The following KSR2 variants were observed in gnomAD, a reference collection of about 807,000 sequenced individuals.
KSR2 encodes the protein kinase suppressor of ras 2.
Under a neutral mutation model 107.8 loss-of-function variants are expected in KSR2, and 25 were observed. The ratio of observed to expected loss-of-function variants is 0.23; its 90% CI spans 0.17 to 0.32. The LOEUF is 0.32. KSR2 is among the 10% of genes least tolerant of loss of function. The pLI, the probability that KSR2 is intolerant of heterozygous loss-of-function variation, is 1.00. For synonymous variants in KSR2, 480 were observed against 507.0 expected, an observed-to-expected ratio of 0.95 and a Z score of 0.71; for missense variants, 887 against 1,268.9, an observed-to-expected ratio of 0.70 and a Z score of 4.57.
Position 117,469,703 on chromosome 12 carries a change from G to T in KSR2, c.2805C>A (p.Asn935Lys). The change falls in exon 19 of 20, where the codon AAC (asparagine) becomes AAA (lysine). Residue 935 changes from asparagine (N) to lysine (K), a missense_variant. This residue lies in a region of KSR2 where 308 missense variants were observed against 506.2 expected (regional missense o/e 0.61). Coordinates refer to ENST00000339824, the MANE Select transcript of KSR2 (RefSeq NM_173598.6). ...AATGTCCAGGGTGAGACAGGCGACG[G>T]TTTCGCTTTGGCAGTTTCTCCAGCA... ...MDMLEKLPKR[N>K]RRLSHPGHFW... is the part of the protein sequence containing the mutation. The T allele has an allele frequency of 6.2e-7, 1 of 1,613,528 alleles. No individual in the cohort carries two copies. The highest frequency in any genetic ancestry group is 8.5e-7 in the Non-Finnish European group (1 of 1,179,734).
chr12:117,612,248 C>CA (rs1881645020), intron 5 of KSR2, among the ~76,000 whole-genome samples: 1 of 151,716 alleles, frequency 6.6e-6, no homozygotes, highest in South Asian at 2.1e-4. Flanking sequence ...TACTGAAATA[C>CA]AAAAAATTAG....
At chr12:117,606,712 C>A (rs1441985736) in intron 5 of KSR2, among the ~76,000 whole-genome samples, 2 of 145,750 alleles carry the variant, frequency 1.4e-5, no homozygotes. Context: ...TCCTCCCCTT[C>A]TTCCTCCCTT....
intron 5 of KSR2, among the ~76,000 whole-genome samples, chr12:117,623,413 T>A (rs1311951462): frequency 6.6e-6 from 1 of 152,182 alleles, no homozygotes; most frequent in Non-Finnish European, 1.5e-5. Context: ...CAGTGTGTGA[T>A]GTTCCCTCCC....
rs57373422 is a variant in KSR2 at position 117,606,095 on chromosome 12, T to A, written c.1172-23736A>T. The stretch of plus-strand genomic sequence containing the variant: ...GATAGGAAATGCTGTGATTAGATGC[T>A]TGCAGAGTGCTTAGGACAGGGCTTA... On this transcript the variant is annotated intron_variant, in intron 5 of 19. Transcript: ENST00000339824. Among the ~76,000 whole-genome samples the A allele has an allele frequency of 3.7e-3, 570 of 152,200 alleles. 2 individuals carry two copies. The highest frequency in any genetic ancestry group is 0.012 in the African/African-American group (501 of 41,516).
intron 4 of KSR2, among the ~76,000 whole-genome samples, chr12:117,722,921 T>A (rs1464458608): frequency 6.6e-6 from 1 of 152,122 alleles, no homozygotes; most frequent in Admixed American, 6.5e-5. Flanking sequence ...GATCTCTCCA[T>A]ACCAAGAGAG....
intron 3 of KSR2, among the ~76,000 whole-genome samples, chr12:117,771,271 A>G (rs1889441502): frequency 6.6e-6 from 1 of 152,296 alleles, no homozygotes; most frequent in East Asian, 1.9e-4. Context: ...TGGAAAGGCT[A>G]ATCAGAAACT....
chr12:117,803,249 G>A (rs779975945), intron 3 of KSR2, among the ~76,000 whole-genome samples: 14 of 152,182 alleles, frequency 9.2e-5, no homozygotes, highest in South Asian at 2.1e-4. Context: ...GGAACACAGC[G>A]TTCCATTCCA....
At chr12:117,621,717 T>C (rs575202243) in intron 5 of KSR2, among the ~76,000 whole-genome samples, 1 of 152,308 alleles carries the variant, frequency 6.6e-6, no homozygotes, top group South Asian at 2.1e-4. Context: ...GACAATATCA[T>C]TGGAAGAAAC....
chr12:117,483,234 T>C (rs1872272430), intron 16 of KSR2, among the ~76,000 whole-genome samples: 1 of 152,298 alleles, frequency 6.6e-6, no homozygotes. Flanking sequence ...AACAAGCGCC[T>C]GTTTGGTCCT....
chr12:117,674,389 C>A, intron 4 of KSR2: 1 of 459,060 alleles, frequency 2.2e-6, no homozygotes, highest in Non-Finnish European at 4.4e-6. Context: ...TAAAATTCAC[C>A]ATTTTAAATT....
chr12:117,711,582 T>G (rs1416264321), intron 4 of KSR2, among the ~76,000 whole-genome samples: 1 of 152,188 alleles, frequency 6.6e-6, no homozygotes, highest in South Asian at 2.1e-4. Context: ...TTGACAGGCC[T>G]TGCTAATTAC....
At chr12:117,901,546 G>T (rs1264512998) in intron 1 of KSR2, among the ~76,000 whole-genome samples, 1 of 152,070 alleles carries the variant, frequency 6.6e-6, no homozygotes, top group Non-Finnish European at 1.5e-5. Context: ...CAGGCAATTG[G>T]CTTGCCTAGG....
chr12:117,917,776 G>A (rs150057419), intron 1 of KSR2, among the ~76,000 whole-genome samples: 114 of 152,174 alleles, frequency 7.5e-4, no homozygotes, highest in African/African-American at 2.7e-3. Context: ...GTACATGGCC[G>A]AGCCATGCCC....
Position 117,855,415 on chromosome 12 carries a change from G to C in KSR2, c.472+13C>G. The C allele has an allele frequency of 6.2e-7, 1 of 1,613,864 alleles. No homozygotes were observed. The highest frequency in any genetic ancestry group is 8.5e-7 in the Non-Finnish European group (1 of 1,179,852). On this transcript the variant is annotated intron_variant, in intron 3 of 19. Coordinates refer to ENST00000339824, the MANE Select transcript of KSR2 (RefSeq NM_173598.6). ...GACAAGTCTCCACATCCCCGACCCC[G>C]GGGCCTGCTCACCTGACATGTGGAC...
chr12:117,858,276 T>C (rs1227350012), intron 2 of KSR2, among the ~76,000 whole-genome samples: 1 of 152,150 alleles, frequency 6.6e-6, no homozygotes, highest in African/African-American at 2.4e-5. Context: ...ACTTGATATA[T>C]AAATGACTCT....
At chr12:117,746,454 T>C (rs1484506857) in intron 4 of KSR2, among the ~76,000 whole-genome samples, 3 of 152,080 alleles carry the variant, frequency 2.0e-5, no homozygotes, top group African/African-American at 7.2e-5. Flanking sequence ...AAGACCTAAA[T>C]GTAAAACCCA....
intron 5 of KSR2, among the ~76,000 whole-genome samples, chr12:117,649,532 A>G (rs372722300): frequency 4.6e-5 from 7 of 152,300 alleles, no homozygotes; most frequent in African/African-American, 1.7e-4. Context: ...CATCCCAATA[A>G]TCAATCCATG....
chr12:117,644,798 G>A (rs1466084554), intron 5 of KSR2, among the ~76,000 whole-genome samples: 1 of 152,146 alleles, frequency 6.6e-6, no homozygotes, highest in Non-Finnish European at 1.5e-5. Flanking sequence ...ATTCCCCCCT[G>A]GCCACTCCAT....
intron 3 of KSR2, among the ~76,000 whole-genome samples, chr12:117,772,434 A>G (rs1593221809): frequency 1.9e-5 from 2 of 104,520 alleles, no homozygotes; most frequent in Admixed American, 1.1e-4. Context: ...CATTCCCCCA[A>G]AGATGCACAC....
Sources: gnomAD v4.1 joint callset for allele counts (sites outside exome capture counted in the v4.1 genomes callset) on GRCh38, gnomAD v4.1.1 for gene constraint, gnomAD v4.1.1 regional missense constraint, MANE v1.5 for transcripts, NCBI Gene and HGNC (gene_info 2026-07-23, HGNC 2026-07-21) for gene names.